The following HMGXB4 variants were observed in gnomAD, a reference collection of about 807,000 sequenced individuals.
HMGXB4 encodes HMG domain-containing protein 4.
In HMGXB4, 27 loss-of-function variants were observed where a neutral mutation model predicts 63.9. The ratio of observed to expected loss-of-function variants is 0.42; its 90% confidence interval spans 0.31 to 0.58. HMGXB4 has a LOEUF of 0.58. Among genes scored for constraint, HMGXB4 ranks in the 20% least tolerant of loss-of-function variants. The pLI, the probability that HMGXB4 is intolerant of heterozygous loss-of-function variation, is 0.13. For missense variants in HMGXB4, 624 were observed against 700.7 expected, an observed-to-expected ratio of 0.89 and a Z score of 1.24; for synonymous variants, 264 against 265.3, an observed-to-expected ratio of 0.99 and a Z score of 0.05.
intron 9 of HMGXB4, among the ~76,000 whole-genome samples, chr22:35,289,383 C>T (rs1341956567): frequency 6.6e-6 from 1 of 152,110 alleles, no homozygotes; most frequent in Non-Finnish European, 1.5e-5. Flanking sequence ...TGCTTGAGCC[C>T]AGGAGCTCAA....
intron 5 of HMGXB4, among the ~76,000 whole-genome samples, chr22:35,267,058 A>G (rs1923295275): frequency 6.6e-6 from 1 of 151,784 alleles, no homozygotes; most frequent in South Asian, 2.1e-4. Context: ...TTTCTCCACT[A>G]TAAAGGGTGC....
intron 5 of HMGXB4, among the ~76,000 whole-genome samples, chr22:35,272,904 A>G (rs62233269): frequency 0.017 from 2,520 of 152,380 alleles, 32 homozygotes; most frequent in Non-Finnish European, 0.027. Flanking sequence ...ACTGCCCTCC[A>G]GCCTGGGCAA....
intron 5 of HMGXB4, among the ~76,000 whole-genome samples, chr22:35,279,206 G>A (rs898093600): frequency 1.8e-4 from 22 of 120,072 alleles, no homozygotes; most frequent in African/African-American, 6.6e-4. Flanking sequence ...GAGTGCAATG[G>A]CACAATCTCG....
At chr22:35,293,558 A>G in intron 10 of HMGXB4, 49 bp from the exon 11 acceptor site, 1 of 1,306,862 alleles carries the variant, frequency 7.7e-7, no homozygotes, top group Non-Finnish European at 1.1e-6. Context: ...ATCTCTCAGG[A>G]AACCAAGGTA....
rs1925160789 is a variant in HMGXB4, at chr22:35,294,747, A to G, written c.*1096A>G. ...TAATTTAATAACAGAAGCCTCCACCAGCAACAGCATGTGGAAGATACAGAT... is the reference window on the plus strand; with the variant it reads ...TAATTTAATAACAGAAGCCTCCACCGGCAACAGCATGTGGAAGATACAGAT... On this transcript the variant is annotated 3_prime_UTR_variant, in exon 11 of 11. Transcript: ENST00000216106. 6.6e-6 allele frequency: 1 copy of G among 152,200 alleles called. No individual in the cohort carries two copies. The highest frequency in any genetic ancestry group is 1.5e-5 in the Non-Finnish European group (1 of 68,022). The allele number at this position is 152,200 out of a possible 1,614,324, so 9.4% of individuals were successfully genotyped here. A position where few individuals can be genotyped will look rare whatever the true frequency, so the allele number is the denominator to read the frequency against.
At chr22:35,274,502 A>G (rs1029712457) in intron 5 of HMGXB4, among the ~76,000 whole-genome samples, 1 of 152,226 alleles carries the variant, frequency 6.6e-6, no homozygotes, top group African/African-American at 2.4e-5. Flanking sequence ...TCTAGGCACT[A>G]CACTAGTTTT....
At chr22:35,261,508 CAT>C (rs1922854959) in intron 1 of HMGXB4, among the ~76,000 whole-genome samples, 1 of 150,756 alleles carries the variant, frequency 6.6e-6, no homozygotes, top group African/African-American at 2.4e-5. Flanking sequence ...TCAAAATGGA[CAT>C]ATAAACTCAA....
chr22:35,253,616 C>CGT (rs398061917), upstream of HMGXB4, among the ~76,000 whole-genome samples: 2,031 of 106,522 alleles, frequency 0.019, 14 homozygotes, highest in Non-Finnish European at 0.029. Flanking sequence ...CGCGCGCGCG[C>CGT]GTGTGTGTGT....
intron 9 of HMGXB4, among the ~76,000 whole-genome samples, chr22:35,291,513 A>G (rs1369354568): frequency 6.6e-6 from 1 of 152,208 alleles, no homozygotes. Context: ...ATTGGGGAGA[A>G]GTTAAAACAA....
chr22:35,243,549 G>A, the HMGXB4 span, among the ~76,000 whole-genome samples: 5 of 151,524 alleles, frequency 3.3e-5, no homozygotes, highest in Non-Finnish European at 7.4e-5. Context: ...TGTTGTTGTT[G>A]TTATTGAGAC....
intron 5 of HMGXB4, among the ~76,000 whole-genome samples, chr22:35,268,128 T>C (rs35635976): frequency 9.9e-4 from 151 of 152,312 alleles, no homozygotes; most frequent in Non-Finnish European, 2.0e-3. Context: ...TGCATAGATA[T>C]TGAGTATGTG....
chr22:35,264,066 A>G, intron 4 of HMGXB4, 192 bp downstream of exon 4: 1 of 1,543,566 alleles, frequency 6.5e-7, no homozygotes, highest in Non-Finnish European at 8.7e-7. Context: ...GATTCAGCAT[A>G]GAAGAACAGT....
Position 35,264,972 on chromosome 22 carries a change from T to C in HMGXB4, c.584T>C (p.Ile195Thr). ...REPDGLKMKLILSPKEKGSSS... is the reference protein window; with the variant it reads ...REPDGLKMKLTLSPKEKGSSS... ...CCTGATGGTTTAAAAATGAAACTTA[T>C]TCTGTCACCAAAGGAGAAGGGAAGC... The change falls in exon 5 of 11, where the codon ATT becomes ACT. Residue 195 changes from isoleucine to threonine, a missense_variant. Ile to Thr is a moderately conservative substitution (Grantham distance 89). Coordinates refer to ENST00000216106, the MANE Select transcript of HMGXB4 (RefSeq NM_001003681.3). The C allele has an allele frequency of 1.2e-6, 2 of 1,614,118 alleles. No individual in the cohort carries two copies. The highest frequency in any genetic ancestry group is 8.5e-7 in the Non-Finnish European group (1 of 1,180,010).
intron 5 of HMGXB4, among the ~76,000 whole-genome samples, chr22:35,274,364 C>G (rs1487038293): frequency 3.3e-5 from 5 of 152,166 alleles, no homozygotes; most frequent in African/African-American, 1.2e-4. Flanking sequence ...GAAGCAAAGT[C>G]AGCGAAAGGT....
At chr22:35,252,232 C>A in the HMGXB4 span, among the ~76,000 whole-genome samples, 2 of 152,020 alleles carry the variant, frequency 1.3e-5, no homozygotes, top group African/African-American at 4.8e-5. Flanking sequence ...AACAAACAAA[C>A]AAAAAACACT....
Position 35,288,410 on chromosome 22 carries a change from G to A in HMGXB4, c.1638+3G>A, listed in dbSNP as rs1227585187. 52 of 1,579,552 alleles carry A rather than the reference G, an allele frequency of 3.3e-5. No homozygotes were observed. Among genetic ancestry groups the A allele is most frequent in the Non-Finnish European group, 4.5e-5 (52 of 1,162,200 alleles). On this transcript the variant is annotated splice_donor_region_variant and intron_variant, in intron 9 of 10. Transcript: ENST00000216106. ...GACACCGTCTGCAGGAAACTGAGGT[G>A]AATACAACTATCAGCAGCATGACTA...
Position 35,263,252 on chromosome 22 carries a change from A to G in HMGXB4, c.180+26A>G, listed in dbSNP as rs1240870725. On this transcript the variant is annotated intron_variant, in intron 3 of 10. Coordinates refer to ENST00000216106, the MANE Select transcript of HMGXB4 (RefSeq NM_001003681.3). Reference sequence around the variant, plus strand: ...GTAAGTCCTGAAAATTTAAATTAGGAAAGTCTTAAACTACTCATTTTTTTT... The same window carrying G: ...GTAAGTCCTGAAAATTTAAATTAGGGAAGTCTTAAACTACTCATTTTTTTT... 8.2e-6 allele frequency: 13 copies of G among 1,590,898 alleles called. No homozygotes were observed. The East Asian group carries it at 1.3e-4, about 16-fold the overall frequency.
upstream of HMGXB4, among the ~76,000 whole-genome samples, chr22:35,253,605 G>GCA (rs1214483653): frequency 1.7e-5 from 1 of 57,292 alleles, no homozygotes; most frequent in East Asian, 5.8e-4. Context: ...TTTTGTGCGC[G>GCA]CGCGCGCGCG....
chr22:35,291,861 C>T (rs376497693), intron 9 of HMGXB4, among the ~76,000 whole-genome samples: 18 of 152,100 alleles, frequency 1.2e-4, no homozygotes, highest in African/African-American at 2.7e-4. Flanking sequence ...CCTCAAGGTC[C>T]GGGTTCTTAA....
Sources: gnomAD v4.1 joint callset for allele counts (sites outside exome capture counted in the v4.1 genomes callset) on GRCh38, gnomAD v4.1.1 for gene constraint, MANE v1.5 for transcripts, NCBI Gene and HGNC (gene_info 2026-07-23, HGNC 2026-07-21) for gene names.